ADAMTS18: variants seen among roughly 807,000 people sequenced by gnomAD.
ADAMTS18 encodes ADAM metallopeptidase with thrombospondin type 1 motif 18, also known as A disintegrin and metalloproteinase with thrombospondin motifs 18.
A neutral mutation model predicts 165.9 loss-of-function variants in ADAMTS18; 157 were observed. The observed-to-expected ratio is 0.95, with a 90% confidence interval of 0.83 to 1.08. ADAMTS18 has a LOEUF of 1.08. Ranked by LOEUF, ADAMTS18 falls within the 50% of genes least tolerant of loss-of-function variation. ADAMTS18 has a pLI of 0.00. For synonymous variants in ADAMTS18, 782 were observed against 578.2 expected (o/e 1.35, Z -5.06); for missense variants, 2,040 against 1,534.0 (o/e 1.33, Z -5.51).
intron 18 of ADAMTS18, among the ~76,000 whole-genome samples, 184 bp from the exon 19 acceptor site, chr16:77,295,311 T>G (rs1441616792): frequency 4.6e-5 from 7 of 152,194 alleles, no homozygotes; most frequent in Admixed American, 4.6e-4. Context: ...GAGATATAAA[T>G]AATCACATTT....
chr16:77,404,997 GA>G (rs1321318922), intron 3 of ADAMTS18, among the ~76,000 whole-genome samples: 12 of 152,156 alleles, frequency 7.9e-5, no homozygotes, highest in Non-Finnish European at 4.4e-5. Context: ...CAGAGCGGGG[GA>G]ATGTTTTTAG....
rs112547949 is a variant in ADAMTS18 at position 77,293,093 on chromosome 16, C to T, written c.3172G>A (p.Ala1058Thr). Residue 1058 changes from alanine to threonine, a missense_variant, in exon 20 of 23, where the codon GCT becomes ACT. Coordinates refer to ENST00000282849, the MANE Select transcript of ADAMTS18 (RefSeq NM_199355.4). ...ATCCATACCTCGCTCCACGAAGAAG[C>T]GACCCACTGTAGCCGGCTGTTCTTG... ...CPKNSRLQWV[A>T]SSWSECSATC... The T allele has an allele frequency of 3.4e-4, 552 of 1,614,010 alleles. 7 individuals carry two copies. The African/African-American group carries it at 6.0e-3, about 18-fold the overall frequency.
chr16:77,348,794 T>C (rs1399774257), intron 10 of ADAMTS18, among the ~76,000 whole-genome samples: 1 of 152,158 alleles, frequency 6.6e-6, no homozygotes, highest in Non-Finnish European at 1.5e-5. Flanking sequence ...ACACATAAGC[T>C]GGAATTGGAG....
chr16:77,432,192 T>C (rs1366541), intron 2 of ADAMTS18, among the ~76,000 whole-genome samples: 72,645 of 152,046 alleles, frequency 0.48, 18,447 homozygotes, highest in Non-Finnish European at 0.58. Context: ...ATTATTTATG[T>C]GTGATAAGAA....
intron 16 of ADAMTS18, among the ~76,000 whole-genome samples, chr16:77,305,525 G>A (rs1048964395): frequency 3.3e-5 from 5 of 152,134 alleles, no homozygotes; most frequent in South Asian, 2.1e-4. Flanking sequence ...TAAGCACAAC[G>A]TCCTCTGCAG....
chr16:77,434,539 G>T (rs112684876), intron 1 of ADAMTS18, 34 bp from the exon 2 acceptor site: 1 of 1,537,036 alleles, frequency 6.5e-7, no homozygotes. Flanking sequence ...CGCGTGAGGG[G>T]CGCGGCGGGG....
chr16:77,297,365 T>G lies in ADAMTS18; in HGVS notation c.2725A>C (p.Asn909His), dbSNP rs1159241574. Residue 909 changes from asparagine to histidine, a missense_variant, in exon 18 of 23, where the codon AAT becomes CAT. Transcript: ENST00000282849. ...GTTTTTGCACTGCAGAATGAGGAATTGACTTGAGTATTTTGATCTCGCAAG... is the reference window on the plus strand; with the variant it reads ...GTTTTTGCACTGCAGAATGAGGAATGGACTTGAGTATTTTGATCTCGCAAG... ...ICLRDQNTQVNSSFCSAKTKP... is the reference protein window; with the variant it reads ...ICLRDQNTQVHSSFCSAKTKP... 6.2e-7 allele frequency: 1 copy of G among 1,613,762 alleles called. No individual in the cohort carries two copies. The highest frequency in any genetic ancestry group is 1.3e-5 in the African/African-American group (1 of 74,934).
intron 3 of ADAMTS18, among the ~76,000 whole-genome samples, chr16:77,407,814 G>C (rs539233093): frequency 7.7e-4 from 117 of 151,974 alleles, no homozygotes; most frequent in Non-Finnish European, 1.5e-3. Context: ...TAAATGTAAA[G>C]GCAAATAAAT....
rs1005741768 is a variant in ADAMTS18, at chr16:77,413,427, G to C, written c.495+17868C>G. On this transcript the variant is annotated intron_variant, in intron 3 of 22. Transcript: ENST00000282849. Reference sequence around the variant, plus strand: ...GTGGAAATTATCTGCTTCAGTGCTAGCATTGCCACCAGCAAGGAAAATTTG... The same window carrying C: ...GTGGAAATTATCTGCTTCAGTGCTACCATTGCCACCAGCAAGGAAAATTTG... 3.9e-5 allele frequency among the ~76,000 whole-genome samples: 6 copies of C among 152,308 alleles called. No individual in the cohort carries two copies. In the East Asian group the frequency reaches 7.7e-4, roughly 20 times the overall value.
At position 77,431,663 on chromosome 16, in the gene ADAMTS18, G is replaced by A. The variant is rs374788720; in HGVS notation, c.179-52C>T. 2.5e-6 allele frequency: 4 copies of A among 1,591,788 alleles called. No homozygotes were observed. The African/African-American group carries it at 5.4e-5, about 21-fold the overall frequency. ...GCACCCAGAGCCCACAATTCCAAAT[G>A]GTCTCTTTCCAGCAAGCTGGCAAAG... On this transcript the variant is annotated intron_variant, in intron 2 of 22. Transcript: ENST00000282849.
chr16:77,317,678 T>C (rs2055912261), intron 16 of ADAMTS18, among the ~76,000 whole-genome samples: 1 of 152,146 alleles, frequency 6.6e-6, no homozygotes, highest in Non-Finnish European at 1.5e-5. Flanking sequence ...CAAGATGTCA[T>C]CTAATTTCAC....
chr16:77,399,647 C>G (rs1263375684), intron 3 of ADAMTS18, among the ~76,000 whole-genome samples: 1 of 152,190 alleles, frequency 6.6e-6, no homozygotes, highest in Non-Finnish European at 1.5e-5. Context: ...CTATACACTT[C>G]ATAGAGTTGT....
At position 77,335,787 on chromosome 16, in the gene ADAMTS18, T is replaced by A; in HGVS notation, c.1828A>T (p.Lys610Ter). 1 of 1,614,234 alleles carries A rather than the reference T, an allele frequency of 6.2e-7. No homozygotes were observed. The highest frequency in any genetic ancestry group is 1.3e-5 in the African/African-American group (1 of 75,064). The part of the protein sequence containing the change: ...ECSRTCGGGV[K>*]FQERHCNNPK... ...TTATTGCAGTGTCTCTCCTGGAACT[T>A]GACTCCTCCACCACATGTCCGGGAA... The change falls in exon 12 of 23, where the codon AAG (lysine) becomes TAG (stop). Residue 610 changes from lysine to a stop codon, truncating the protein, a stop_gained. Transcript: ENST00000282849. LOFTEE classifies it high-confidence loss of function.
At chr16:77,292,084 T>G (rs2055374707) in intron 20 of ADAMTS18, among the ~76,000 whole-genome samples, 1 of 152,056 alleles carries the variant, frequency 6.6e-6, no homozygotes, top group African/African-American at 2.4e-5. Flanking sequence ...GGCAGGTGGA[T>G]CACTTGAGCC....
chr16:77,434,774 GC>G lies in ADAMTS18; in HGVS notation c.-80del. On this transcript the variant is annotated 5_prime_UTR_variant, in exon 1 of 23. Transcript: ENST00000282849. ...ACGGGCGGCGCGCATTCTTTCCGCG[GC>G]CCCGGAGCTCGGCGCCCCAGGTGCG... 1 of 1,218,906 alleles carries G rather than the reference GC, an allele frequency of 8.2e-7. No individual in the cohort carries two copies. Among genetic ancestry groups the G allele is most frequent in the South Asian group, 2.2e-5 (1 of 45,710 alleles). 75.5% of individuals were successfully genotyped at this position (1,218,906 alleles called of 1,614,324 possible).
At chr16:77,301,032 G>C (rs1445541274) in intron 16 of ADAMTS18, among the ~76,000 whole-genome samples, 3 of 152,100 alleles carry the variant, frequency 2.0e-5, no homozygotes, top group East Asian at 1.9e-4. Flanking sequence ...CTGTGTGCTA[G>C]GATGAGCAGA....
chr16:77,385,175 T>C (rs913844396), intron 3 of ADAMTS18, among the ~76,000 whole-genome samples: 2 of 152,220 alleles, frequency 1.3e-5, no homozygotes, highest in Non-Finnish European at 1.5e-5. Context: ...TCCCAAAGTG[T>C]TGGGATTACA....
intron 10 of ADAMTS18, 40 bp from the exon 11 acceptor site, chr16:77,341,839 T>C (rs1332160333): frequency 2.1e-6 from 3 of 1,442,084 alleles, no homozygotes; most frequent in South Asian, 2.4e-5. Context: ...AATGGTGATA[T>C]ACAATAAAAA....
At chr16:77,401,951 C>T (rs151294777) in intron 3 of ADAMTS18, among the ~76,000 whole-genome samples, 1 of 152,298 alleles carries the variant, frequency 6.6e-6, no homozygotes, top group African/African-American at 2.4e-5. Flanking sequence ...GTAAGAGTTA[C>T]ACCTTTGGCT....
Sources: gnomAD v4.1 joint callset for allele counts (sites outside exome capture counted in the v4.1 genomes callset) on GRCh38, gnomAD v4.1.1 for gene constraint, MANE v1.5 for transcripts, NCBI Gene and HGNC (gene_info 2026-07-23, HGNC 2026-07-21) for gene names.